The following WDR43 variants were observed in gnomAD, a reference collection of about 807,000 sequenced individuals.
WDR43 encodes WD repeat-containing protein 43.
A neutral mutation model predicts 91.4 loss-of-function variants in WDR43; 13 were observed. The observed-to-expected ratio is 0.14, with a 90% CI of 0.09 to 0.23. The LOEUF is 0.23. WDR43 is among the 10% of genes least tolerant of loss of function. WDR43 has a pLI of 1.00. For synonymous variants in WDR43, 331 were observed against 287.9 expected (o/e 1.15, Z -1.51); for missense variants, 780 against 809.4 (o/e 0.96, Z 0.44).
chr2:28,904,880 G>T (rs945575789), intron 2 of WDR43: 1 of 152,088 alleles, frequency 6.6e-6, no homozygotes, highest in Non-Finnish European at 1.5e-5. Context: ...CATTGTATAC[G>T]TATTTACTTT....
At chr2:28,927,896 A>G in intron 10 of WDR43, 196 bp downstream of exon 10, 1 of 754,226 alleles carries the variant, frequency 1.3e-6, no homozygotes, top group Non-Finnish European at 2.0e-6. Flanking sequence ...GAGAAGATGG[A>G]ACCTTCAGTA....
At chr2:28,903,659 A>G (rs1378017331) in intron 2 of WDR43, among the ~76,000 whole-genome samples, 2 of 152,150 alleles carry the variant, frequency 1.3e-5, no homozygotes, top group African/African-American at 4.8e-5. Context: ...CCCTCCTCCA[A>G]GTCGAGTGTG....
chr2:28,905,756 T>C (rs6547890), intron 2 of WDR43, among the ~76,000 whole-genome samples: 137,235 of 151,422 alleles, frequency 0.91, 62,286 homozygotes, highest in Non-Finnish European at 0.93. Flanking sequence ...CCTCTGCCTC[T>C]CAGGTTCACA....
intron 11 of WDR43, among the ~76,000 whole-genome samples, chr2:28,933,419 A>G (rs778347203): frequency 1.4e-4 from 21 of 152,222 alleles, no homozygotes; most frequent in Non-Finnish European, 2.5e-4. Context: ...AAAACCTAAA[A>G]CTACAAAACT....
chr2:28,943,194 C>T (rs906201125), intron 16 of WDR43, among the ~76,000 whole-genome samples: 5 of 151,786 alleles, frequency 3.3e-5, no homozygotes, highest in Admixed American at 6.6e-5. Flanking sequence ...TGCAGTGGCT[C>T]GAGGTCAATC....
At chr2:28,924,588 G>A (rs1175630350) in intron 7 of WDR43, among the ~76,000 whole-genome samples, 1 of 152,120 alleles carries the variant, frequency 6.6e-6, no homozygotes, top group African/African-American at 2.4e-5. Context: ...TTTGCTGCTG[G>A]AACTACACTC....
intron 7 of WDR43, among the ~76,000 whole-genome samples, chr2:28,923,542 G>A (rs1217412691): frequency 2.0e-5 from 3 of 152,100 alleles, no homozygotes; most frequent in Non-Finnish European, 4.4e-5. Context: ...CACAAATTTT[G>A]TTAAGCTTTA....
In WDR43 at chr2:28,894,889, G is replaced by A. The variant is rs1384583796; in HGVS notation, c.191G>A (p.Cys64Tyr). ...PSAHLSGTCT[C>Y]LAWAPARLQA... is the part of the protein sequence containing the mutation. ...GCGCACCTCAGTGGTACCTGCACCTGTCTGGCCTGGGCGCCAGCGCGGCTG... is the reference window on the plus strand; with the variant it reads ...GCGCACCTCAGTGGTACCTGCACCTATCTGGCCTGGGCGCCAGCGCGGCTG... The change falls in exon 1 of 18, where the codon TGT becomes TAT. Residue 64 changes from cysteine to tyrosine, a missense_variant. Cys to Tyr is a radical substitution (Grantham distance 194). Around this residue, in one of 4 missense-constraint regions of WDR43, gnomAD observed 175 missense variants for 113.8 expected, o/e 1.54. Coordinates refer to ENST00000407426, the MANE Select transcript of WDR43 (RefSeq NM_015131.3). 1 of 1,604,330 alleles carries A rather than the reference G, an allele frequency of 6.2e-7. No individual in the cohort carries two copies. The highest frequency in any genetic ancestry group is 2.3e-5 in the East Asian group (1 of 44,416).
intron 5 of WDR43, among the ~76,000 whole-genome samples, chr2:28,915,218 T>G (rs1670883000): frequency 6.6e-6 from 1 of 152,228 alleles, no homozygotes; most frequent in Non-Finnish European, 1.5e-5. Flanking sequence ...CTGTTTACCT[T>G]CAAAACCACC....
intron 14 of WDR43, among the ~76,000 whole-genome samples, chr2:28,941,031 C>T (rs983151896): frequency 2.0e-5 from 3 of 152,148 alleles, no homozygotes; most frequent in Non-Finnish European, 2.9e-5. Flanking sequence ...GGCTTCTCTG[C>T]CTCTTTGGGG....
intron 5 of WDR43, 91 bp downstream of exon 5, chr2:28,914,299 T>C: frequency 7.2e-7 from 1 of 1,383,094 alleles, no homozygotes; most frequent in Non-Finnish European, 9.6e-7. Context: ...GGGACTTTAT[T>C]TGTTGTATCT....
chr2:28,900,356 G>A (rs973137448), intron 1 of WDR43, among the ~76,000 whole-genome samples: 1 of 151,932 alleles, frequency 6.6e-6, no homozygotes, highest in African/African-American at 2.4e-5. Context: ...AATTTTTTTT[G>A]TATTTTTAGT....
intron 14 of WDR43, among the ~76,000 whole-genome samples, chr2:28,941,216 C>T (rs1671427797): frequency 6.6e-6 from 1 of 152,194 alleles, no homozygotes; most frequent in African/African-American, 2.4e-5. Flanking sequence ...CTTGCAGTTT[C>T]ACTCTCTTGC....
chr2:28,914,705 C>T (rs895847655), intron 5 of WDR43, among the ~76,000 whole-genome samples: 3 of 152,038 alleles, frequency 2.0e-5, no homozygotes, highest in African/African-American at 4.8e-5. Context: ...CCGAGGCGGG[C>T]GGATCACGAG....
intron 3 of WDR43, among the ~76,000 whole-genome samples, chr2:28,911,298 C>CT (rs11384391): frequency 0.27 from 38,730 of 144,998 alleles, 6,148 homozygotes; most frequent in East Asian, 0.77. Flanking sequence ...TTAATAACCT[C>CT]TTTTTTTTTT....
chr2:28,929,795 C>G (rs1243026727), intron 11 of WDR43, 85 bp downstream of exon 11: 3 of 1,379,216 alleles, frequency 2.2e-6, no homozygotes, highest in East Asian at 2.4e-5. Flanking sequence ...CAGCTGTGAG[C>G]CATCATGTTA....
At position 28,925,060 on chromosome 2, in the gene WDR43, A is replaced by G. The variant is rs1326732009; in HGVS notation, c.993A>G (p.Lys331=). The G allele has an allele frequency of 6.2e-7, 1 of 1,613,784 alleles. No homozygotes were observed. Residue 331 remains lysine, a synonymous_variant, in exon 8 of 18, where the codon AAA becomes AAG. Transcript: ENST00000407426. ...GGAAAGGCAAGAAGTCAACACCAAA[A>G]CCCATCCCTATTCTAGCTGCTGGTT... ...TPGKGKKSTP[K]PIPILAAGFC...
intron 14 of WDR43, among the ~76,000 whole-genome samples, chr2:28,939,771 C>T (rs928963078): frequency 3.9e-5 from 6 of 152,078 alleles, no homozygotes; most frequent in Non-Finnish European, 8.8e-5. Flanking sequence ...CACTTTTTTA[C>T]TAAAGTATTA....
chr2:28,913,239 C>G (rs1375286954), intron 4 of WDR43, among the ~76,000 whole-genome samples: 1 of 152,178 alleles, frequency 6.6e-6, no homozygotes, highest in African/African-American at 2.4e-5. Context: ...CAGGCGTGAG[C>G]CACCGCGCCC....
Sources: gnomAD v4.1 joint callset for allele counts (sites outside exome capture counted in the v4.1 genomes callset) on GRCh38, gnomAD v4.1.1 for gene constraint, gnomAD v4.1.1 regional missense constraint, MANE v1.5 for transcripts, NCBI Gene and HGNC (gene_info 2026-07-23, HGNC 2026-07-21) for gene names.